The following ZEB2 variants were observed in gnomAD, a reference collection of about 807,000 sequenced individuals.
ZEB2 encodes the protein zinc finger E-box-binding homeobox 2.
In ZEB2, 6 loss-of-function variants were observed where a neutral mutation model predicts 99.9. That is an observed-to-expected ratio of 0.06 (90% CI 0.03 to 0.12). The LOEUF (loss-of-function observed/expected upper bound fraction) is 0.12, where lower values mean the gene tolerates loss of function less well. ZEB2 is among the 10% of genes least tolerant of loss of function. ZEB2 has a pLI of 1.00. For missense variants in ZEB2, 969 were observed against 1,502.8 expected, an observed-to-expected ratio of 0.64 and a Z score of 5.87; for synonymous variants, 517 against 542.5, an observed-to-expected ratio of 0.95 and a Z score of 0.65.
chr2:144,396,666 C>T, intron 8 of ZEB2, 74 bp from the exon 9 acceptor site: 1 of 1,518,196 alleles, frequency 6.6e-7, no homozygotes, highest in South Asian at 1.2e-5. Flanking sequence ...CATAGGGGGA[C>T]ATTTGGAGAA....
chr2:144,460,086 G>A (rs1010326552), intron 2 of ZEB2, among the ~76,000 whole-genome samples: 1 of 152,156 alleles, frequency 6.6e-6, no homozygotes, highest in African/African-American at 2.4e-5. Flanking sequence ...TCCTGAACAA[G>A]GTTGCTATGT....
intron 3 of ZEB2, chr2:144,425,082 G>A: frequency 1.8e-6 from 1 of 561,080 alleles, no homozygotes; most frequent in South Asian, 2.1e-5. Flanking sequence ...TGCAAGCTGT[G>A]AAAAACAGAA....
intron 3 of ZEB2, among the ~76,000 whole-genome samples, chr2:144,425,854 T>C (rs1295608146): frequency 1.3e-5 from 2 of 152,184 alleles, no homozygotes; most frequent in Non-Finnish European, 2.9e-5. Context: ...CTCTCTGTGA[T>C]AATCATTTTA....
chr2:144,399,893 C>A lies in ZEB2; in HGVS notation c.1294G>T (p.Ala432Ser), dbSNP rs775773250. The change falls in exon 8 of 10, where the codon GCT becomes TCT. Residue 432 changes from alanine (A) to serine (S), a missense_variant. Transcript: ENST00000627532. This position sits in a 1 kb window ranked among gnomAD's most constrained non-coding sequence, Gnocchi z 5.6. ...ATSPLGVHPS[A>S]QSPMQHLGVG... ...CCTAAGTGCTGCATTGGACTCTGAG[C>A]AGATGGATGAACTCCTAAAGGGCTG... 1.2e-6 allele frequency: 2 copies of A among 1,614,076 alleles called. No homozygotes were observed. The highest frequency in any genetic ancestry group is 1.7e-6 in the Non-Finnish European group (2 of 1,180,040).
intron 5 of ZEB2, among the ~76,000 whole-genome samples, chr2:144,404,594 T>C (rs1703358735): frequency 6.6e-6 from 1 of 152,218 alleles, no homozygotes; most frequent in South Asian, 2.1e-4. Context: ...TTAGATATTT[T>C]TATCTCTTAG....
intron 2 of ZEB2, among the ~76,000 whole-genome samples, chr2:144,458,425 G>A (rs1704149640): frequency 6.6e-6 from 1 of 151,864 alleles, no homozygotes; most frequent in Non-Finnish European, 1.5e-5. Context: ...ATTGAGAGAG[G>A]GTTTGCAGTT....
intron 4 of ZEB2, among the ~76,000 whole-genome samples, chr2:144,412,233 C>T (rs1335205920): frequency 6.6e-6 from 1 of 152,222 alleles, no homozygotes; most frequent in Non-Finnish European, 1.5e-5. Flanking sequence ...CGTGCCACTG[C>T]ACTCCAGCCT....
intron 2 of ZEB2, among the ~76,000 whole-genome samples, chr2:144,483,360 G>A (rs560588595): frequency 7.2e-5 from 11 of 152,188 alleles, no homozygotes; most frequent in Non-Finnish European, 1.5e-5. Flanking sequence ...TACAATTGTT[G>A]TAAAGATCAA....
chr2:144,515,554 T>C (rs1424413710), intron 2 of ZEB2, among the ~76,000 whole-genome samples: 1 of 150,574 alleles, frequency 6.6e-6, no homozygotes, highest in East Asian at 2.0e-4. Context: ...GGGAGAGACT[T>C]AAAAAGAAGC....
chr2:144,464,584 A>G (rs982861638), intron 2 of ZEB2, among the ~76,000 whole-genome samples: 1 of 152,288 alleles, frequency 6.6e-6, no homozygotes, highest in Middle Eastern at 3.4e-3. Flanking sequence ...AATTTGTTTT[A>G]TAACCTAAAC....
intron 2 of ZEB2, chr2:144,463,127 G>T (rs1025743103): frequency 1.2e-4 from 18 of 152,162 alleles, no homozygotes; most frequent in African/African-American, 4.3e-4. Context: ...TTGGACTATG[G>T]TCAGAAGTAA....
chr2:144,428,147 G>A (rs1703714282), intron 3 of ZEB2: 1 of 152,080 alleles, frequency 6.6e-6, no homozygotes, highest in South Asian at 2.1e-4. Context: ...CCTTACCCTT[G>A]ATTTCTAGAT....
At chr2:144,406,563 A>G (rs1243967652) in intron 4 of ZEB2, among the ~76,000 whole-genome samples, 1 of 152,066 alleles carries the variant, frequency 6.6e-6, no homozygotes, top group Non-Finnish European at 1.5e-5. Flanking sequence ...CAAGCATGGG[A>G]CATCTCAGGA....
intron 5 of ZEB2, among the ~76,000 whole-genome samples, chr2:144,404,550 A>C (rs1327492098): frequency 6.6e-6 from 1 of 152,132 alleles, no homozygotes; most frequent in Non-Finnish European, 1.5e-5. Context: ...TTTTTTCCTC[A>C]AAAGTAAAAT....
chr2:144,412,654 C>T (rs1703481616), intron 4 of ZEB2, among the ~76,000 whole-genome samples: 1 of 152,344 alleles, frequency 6.6e-6, no homozygotes, highest in East Asian at 1.9e-4. Flanking sequence ...ATTCAATCCT[C>T]TGCCTCGCAT....
chr2:144,421,463 T>C (rs1409865803), intron 4 of ZEB2, among the ~76,000 whole-genome samples: 1 of 152,202 alleles, frequency 6.6e-6, no homozygotes, highest in South Asian at 2.1e-4. Context: ...GAAGAAAGAA[T>C]ATGTACTTAT....
intron 2 of ZEB2, among the ~76,000 whole-genome samples, chr2:144,493,943 G>C (rs975684835): frequency 1.3e-4 from 19 of 151,980 alleles, no homozygotes; most frequent in Non-Finnish European, 2.8e-4. Context: ...ACGAGGTCAG[G>C]AGATCGAGAC....
chr2:144,420,813 T>C (rs1156551361), intron 4 of ZEB2, among the ~76,000 whole-genome samples: 1 of 152,124 alleles, frequency 6.6e-6, no homozygotes, highest in African/African-American at 2.4e-5. Context: ...TAAATGTGGT[T>C]CTTTTTTGTT....
At chr2:144,406,135 G>T (rs941870511) in intron 4 of ZEB2, among the ~76,000 whole-genome samples, 1 of 152,048 alleles carries the variant, frequency 6.6e-6, no homozygotes, top group African/African-American at 2.4e-5. Context: ...TTTGGCAACT[G>T]TGGCAGGGTG....
Sources: allele counts gnomAD v4.1 joint callset (sites outside exome capture counted in the v4.1 genomes callset), GRCh38; gene constraint gnomAD v4.1.1; non-coding constraint Gnocchi (gnomAD v3.1); transcripts MANE v1.5; gene names NCBI Gene and HGNC (gene_info 2026-07-23, HGNC 2026-07-21).